The following BMPER variants were observed in gnomAD, a reference collection of about 807,000 sequenced individuals.
BMPER encodes the protein BMP-binding endothelial regulator protein.
In BMPER, 45 loss-of-function variants were observed where a neutral mutation model predicts 87.3. The ratio of observed to expected loss-of-function variants is 0.52; its 90% CI spans 0.41 to 0.66. The LOEUF (loss-of-function observed/expected upper bound fraction) is 0.66, where lower values mean the gene tolerates loss of function less well. Ranked by LOEUF, BMPER falls within the 30% of genes least tolerant of loss-of-function variation. The pLI is 0.00. For synonymous variants in BMPER, 326 were observed against 316.2 expected (o/e 1.03, Z -0.33); for missense variants, 784 against 867.5 (o/e 0.90, Z 1.21).
In BMPER at chr7:34,104,824, C is replaced by T. The variant is rs114503984; in HGVS notation, c.1745+18732C>T. The stretch of plus-strand genomic sequence containing the variant: ...TGAGAGAAAGGACATGAGATGACAC[C>T]ATCATGGATCTCCCAGCCTGACAGA... On this transcript the variant is annotated intron_variant, in intron 13 of 14. Transcript: ENST00000649409. Among the ~76,000 whole-genome samples, 734 of 152,294 alleles carry T rather than the reference C, an allele frequency of 4.8e-3. 4 individuals carry two copies. The highest frequency in any genetic ancestry group is 0.016 in the African/African-American group (651 of 41,570).
intron 6 of BMPER, among the ~76,000 whole-genome samples, chr7:34,020,859 AAC>A (rs61345180): frequency 0.072 from 10,559 of 146,310 alleles, 373 homozygotes; most frequent in African/African-American, 0.1. Context: ...TGAATTTCTT[AAC>A]ACACACACAC....
At chr7:34,124,491 G>A (rs1790349041) in intron 13 of BMPER, among the ~76,000 whole-genome samples, 1 of 151,176 alleles carries the variant, frequency 6.6e-6, no homozygotes, top group East Asian at 1.9e-4. Flanking sequence ...GCATTGTGAA[G>A]TGGGTCTTTT....
intron 11 of BMPER, among the ~76,000 whole-genome samples, chr7:34,077,843 C>T (rs1788906004): frequency 6.6e-6 from 1 of 152,034 alleles, no homozygotes; most frequent in African/African-American, 2.4e-5. Flanking sequence ...ATATTCTTGA[C>T]CTAGTATTTT....
chr7:34,084,451 A>G (rs1789144561), intron 12 of BMPER, among the ~76,000 whole-genome samples: 3 of 152,176 alleles, frequency 2.0e-5, no homozygotes, highest in South Asian at 4.1e-4. Flanking sequence ...TCCACTGTAG[A>G]TGTTTCTTGG....
chr7:34,121,557 G>A (rs1277979804), intron 13 of BMPER, among the ~76,000 whole-genome samples: 1 of 152,006 alleles, frequency 6.6e-6, no homozygotes, highest in African/African-American at 2.4e-5. Flanking sequence ...TGACCTCTTG[G>A]GAGTTTTGGT....
At chr7:34,039,719 T>C (rs1787784820) in intron 6 of BMPER, among the ~76,000 whole-genome samples, 1 of 152,128 alleles carries the variant, frequency 6.6e-6, no homozygotes, top group African/African-American at 2.4e-5. Flanking sequence ...TATGTATATG[T>C]ATATATGTGT....
intron 2 of BMPER, among the ~76,000 whole-genome samples, chr7:33,920,831 TATAAAC>T (rs914998822): frequency 6.6e-5 from 10 of 152,210 alleles, no homozygotes; most frequent in African/African-American, 2.4e-4. Context: ...GGTATATGAA[TATAAAC>T]ATAAACATAT....
chr7:33,966,499 A>G lies in BMPER; in HGVS notation c.340A>G (p.Thr114Ala), dbSNP rs761287443. The stretch of plus-strand genomic sequence containing the variant: ...TCTAGGTTGCACCTATGAAGGAAAT[A>G]CCTATAACAGCTCCTTCAAATGGCA... The part of the protein sequence containing the change: ...QCKGCTYEGN[T>A]YNSSFKWQSP... The change falls in exon 4 of 15, where the codon ACC becomes GCC. Residue 114 changes from threonine (T) to alanine (A), a missense_variant. Transcript: ENST00000649409. 2.0e-5 allele frequency: 33 copies of G among 1,613,734 alleles called. No homozygotes were observed. The highest frequency in any genetic ancestry group is 2.8e-5 in the Non-Finnish European group (33 of 1,179,708).
At chr7:33,953,241 T>A (rs1359341038) in intron 3 of BMPER, among the ~76,000 whole-genome samples, 1 of 152,230 alleles carries the variant, frequency 6.6e-6, no homozygotes, top group Admixed American at 6.5e-5. Flanking sequence ...ACAGAGGAGC[T>A]GAAGGCAAAA....
chr7:34,061,988 T>A lies in BMPER; in HGVS notation c.1033-14T>A. On this transcript the variant is annotated splice_polypyrimidine_tract_variant and intron_variant, in intron 10 of 14. Transcript: ENST00000649409. Reference sequence around the variant, plus strand: ...TTTAAACAGTAACTTTGTATTTGTTTTTCTTCTGATTAGGGCAAAATTCTC... The same window carrying A: ...TTTAAACAGTAACTTTGTATTTGTTATTCTTCTGATTAGGGCAAAATTCTC... 1 of 1,604,704 alleles carries A rather than the reference T, an allele frequency of 6.2e-7. No individual in the cohort carries two copies. Among genetic ancestry groups the A allele is most frequent in the Non-Finnish European group, 8.5e-7 (1 of 1,174,594 alleles).
intron 6 of BMPER, among the ~76,000 whole-genome samples, chr7:34,017,908 C>T (rs1443000654): frequency 6.7e-6 from 1 of 149,970 alleles, no homozygotes; most frequent in African/African-American, 2.5e-5. Flanking sequence ...TTACTCTCTT[C>T]TTGGGAGATC....
At chr7:34,074,037 T>A (rs1259260641) in intron 11 of BMPER, among the ~76,000 whole-genome samples, 1 of 152,248 alleles carries the variant, frequency 6.6e-6, no homozygotes, top group Non-Finnish European at 1.5e-5. Flanking sequence ...GATGAGATCT[T>A]GTAGTTAGGG....
chr7:34,139,878 A>G (rs542906896), intron 13 of BMPER, among the ~76,000 whole-genome samples: 2 of 152,070 alleles, frequency 1.3e-5, no homozygotes, highest in East Asian at 1.9e-4. Flanking sequence ...TTCTTTTTCT[A>G]TTTAAATAGC....
intron 6 of BMPER, among the ~76,000 whole-genome samples, chr7:34,017,764 C>A (rs1403233322): frequency 6.6e-6 from 1 of 151,786 alleles, no homozygotes; most frequent in African/African-American, 2.4e-5. Flanking sequence ...TCAAGGAGTT[C>A]CCAAGTAATG....
intron 12 of BMPER, 115 bp from the exon 13 acceptor site, chr7:34,085,641 G>C (rs963040725): frequency 3.0e-5 from 30 of 1,000,334 alleles, no homozygotes; most frequent in Non-Finnish European, 4.5e-5. Context: ...ACCAACCCTT[G>C]GTGCTCCTTA....
chr7:34,143,177 T>C, intron 13 of BMPER, 53 bp from the exon 14 acceptor site: 19 of 1,607,688 alleles, frequency 1.2e-5, no homozygotes, highest in Non-Finnish European at 1.6e-5. Context: ...ATATTTAGGG[T>C]GTTTATGGTT....
intron 2 of BMPER, among the ~76,000 whole-genome samples, chr7:33,914,129 AT>A (rs11357112): frequency 0.028 from 4,190 of 150,452 alleles, 187 homozygotes; most frequent in African/African-American, 0.093. Flanking sequence ...TGCCCGGCTA[AT>A]TTTTTTTTGT....
At chr7:34,016,812 TG>T (rs1458946084) in intron 6 of BMPER, among the ~76,000 whole-genome samples, 2 of 151,860 alleles carry the variant, frequency 1.3e-5, no homozygotes, top group African/African-American at 2.4e-5. Context: ...CTTTTTTTTG[TG>T]GGGGTGGAAG....
chr7:33,991,410 G>C (rs1291001017), intron 6 of BMPER, among the ~76,000 whole-genome samples: 38 of 151,474 alleles, frequency 2.5e-4, no homozygotes, highest in African/African-American at 6.6e-4. Flanking sequence ...GCGTAGAGGT[G>C]TTTGTAGTAT....
Sources: allele counts gnomAD v4.1 joint callset (sites outside exome capture counted in the v4.1 genomes callset), GRCh38; gene constraint gnomAD v4.1.1; transcripts MANE v1.5; gene names NCBI Gene and HGNC (gene_info 2026-07-23, HGNC 2026-07-21).